Variants in HMGA2 observed in about 807,000 individuals in gnomAD.
HMGA2 encodes high mobility group AT-hook 2, also known as high mobility group protein HMGI-C.
HMGA2 carries 8 observed loss-of-function variants against 19.1 expected under a neutral mutation model. The observed-to-expected ratio is 0.42, with a 90% CI of 0.25 to 0.76. The LOEUF (loss-of-function observed/expected upper bound fraction) is 0.76. Ranked by LOEUF, HMGA2 falls within the 30% of genes least tolerant of loss-of-function variation. The probability of loss-of-function intolerance (pLI) is 0.28; values close to 1 mark genes in which losing one functional copy is unlikely to be tolerated. For synonymous variants in HMGA2, 60 were observed against 48.8 expected (o/e 1.23, Z -0.96); for missense variants, 109 against 136.3 (o/e 0.80, Z 1.00).
intron 3 of HMGA2, among the ~76,000 whole-genome samples, chr12:65,938,086 C>T (rs768165903): frequency 2.6e-5 from 4 of 152,130 alleles, no homozygotes; most frequent in South Asian, 4.1e-4. Flanking sequence ...CAGGGACTGT[C>T]GGAAGAGACT....
At chr12:65,836,162 A>C (rs1172347642) in intron 2 of HMGA2, among the ~76,000 whole-genome samples, 1 of 152,086 alleles carries the variant, frequency 6.6e-6, no homozygotes, top group African/African-American at 2.4e-5. Context: ...GATCGAGACC[A>C]TCCTGGCTAA....
At chr12:65,911,505 G>C (rs146209067) in intron 3 of HMGA2, among the ~76,000 whole-genome samples, 1 of 152,106 alleles carries the variant, frequency 6.6e-6, no homozygotes, top group African/African-American at 2.4e-5. Flanking sequence ...TGCTTGGCAG[G>C]ACTCCAGGGA....
At chr12:65,912,507 C>T (rs1180162900) in intron 3 of HMGA2, among the ~76,000 whole-genome samples, 1 of 152,154 alleles carries the variant, frequency 6.6e-6, no homozygotes, top group Non-Finnish European at 1.5e-5. Flanking sequence ...AAATCATTTC[C>T]TCCAATCTGT....
At chr12:65,838,414 G>A (rs1028854662) in intron 2 of HMGA2, 105 bp from the exon 3 acceptor site, 4 of 780,342 alleles carry the variant, frequency 5.1e-6, no homozygotes, top group African/African-American at 1.8e-5. Flanking sequence ...AAACCGATAC[G>A]TCATCTGCAA....
chr12:65,836,893 G>A (rs946027891), intron 2 of HMGA2, among the ~76,000 whole-genome samples: 1 of 152,150 alleles, frequency 6.6e-6, no homozygotes, highest in Non-Finnish European at 1.5e-5. Context: ...GTTTCCTAAA[G>A]TATTTTTTTA....
intron 4 of HMGA2, among the ~76,000 whole-genome samples, chr12:65,959,315 C>T (rs1592468892): frequency 6.6e-6 from 1 of 152,180 alleles, no homozygotes; most frequent in East Asian, 1.9e-4. Context: ...AGTTTTTTTC[C>T]AAACTTAGCT....
At chr12:65,842,878 C>T (rs1871062664) in intron 3 of HMGA2, 1 of 1,281,558 alleles carries the variant, frequency 7.8e-7, no homozygotes. Context: ...GAGTGGGGCT[C>T]AGGCTCAAGA....
chr12:65,872,100 G>A (rs550271353), intron 3 of HMGA2, among the ~76,000 whole-genome samples: 3 of 152,222 alleles, frequency 2.0e-5, no homozygotes, highest in East Asian at 1.9e-4. Context: ...CATCCAGTCC[G>A]GAGCCTAGTG....
rs1870132597 is a variant in HMGA2, at chr12:65,825,702, CG to C, written c.111+322del. Among the ~76,000 whole-genome samples the C allele has an allele frequency of 3.9e-5, 6 of 152,116 alleles. No individual in the cohort carries two copies. In the South Asian group the frequency reaches 1.0e-3, roughly 26 times the overall value. Reference sequence around the variant, plus strand: ...CGCGGTGTCGCCCAGTGACTGGAAGCGACCGGGATCCGACAAACCCGGGCTC... The same window carrying C: ...CGCGGTGTCGCCCAGTGACTGGAAGCACCGGGATCCGACAAACCCGGGCTC... On this transcript the variant is annotated intron_variant, in intron 1 of 4. Coordinates refer to ENST00000403681, the MANE Select transcript of HMGA2 (RefSeq NM_003483.6). The surrounding 1 kb of genome is among the most constrained non-coding windows in gnomAD (Gnocchi z 4.4).
intron 3 of HMGA2, among the ~76,000 whole-genome samples, chr12:65,850,051 T>C (rs956962176): frequency 3.3e-5 from 5 of 152,120 alleles, no homozygotes; most frequent in African/African-American, 1.2e-4. Flanking sequence ...CCTTCCTCTA[T>C]TGGTGGTTGA....
intron 3 of HMGA2, chr12:65,866,979 T>A (rs1300671354): frequency 2.2e-6 from 1 of 456,396 alleles, no homozygotes; most frequent in Admixed American, 2.4e-5. Flanking sequence ...GATTGAGAGA[T>A]TGAAGGGGGA....
At chr12:65,898,861 A>G (rs886709416) in intron 3 of HMGA2, among the ~76,000 whole-genome samples, 1 of 151,914 alleles carries the variant, frequency 6.6e-6, no homozygotes, top group Non-Finnish European at 1.5e-5. Flanking sequence ...TGGATAACAC[A>G]GTGAAACTCC....
At chr12:65,859,344 G>A (rs758480198) in intron 3 of HMGA2, 3 of 152,156 alleles carry the variant, frequency 2.0e-5, no homozygotes, top group Admixed American at 6.6e-5. Flanking sequence ...CCCTGCTCTT[G>A]TTACATGTGT....
intron 3 of HMGA2, among the ~76,000 whole-genome samples, chr12:65,950,586 T>C (rs971572309): frequency 6.6e-6 from 1 of 152,166 alleles, no homozygotes; most frequent in Admixed American, 6.5e-5. Flanking sequence ...GAGTAACCAC[T>C]AATGGGTACA....
At chr12:65,895,329 G>A (rs1874079783) in intron 3 of HMGA2, among the ~76,000 whole-genome samples, 1 of 151,958 alleles carries the variant, frequency 6.6e-6, no homozygotes. Context: ...AAATTGTTTG[G>A]GCCTTAAGAA....
At chr12:65,906,436 A>T (rs140992842) in intron 3 of HMGA2, among the ~76,000 whole-genome samples, 10 of 152,176 alleles carry the variant, frequency 6.6e-5, no homozygotes, top group African/African-American at 2.4e-4. Flanking sequence ...TAGCCCAGCA[A>T]CATTCATTAA....
At chr12:65,905,407 C>T (rs954768821) in intron 3 of HMGA2, among the ~76,000 whole-genome samples, 1 of 151,874 alleles carries the variant, frequency 6.6e-6, no homozygotes, top group African/African-American at 2.4e-5. Context: ...TATTTTGAAA[C>T]CAAGCTCTCT....
At chr12:65,839,615 T>A (rs532988022) in intron 3 of HMGA2, among the ~76,000 whole-genome samples, 1 of 152,318 alleles carries the variant, frequency 6.6e-6, no homozygotes, top group African/African-American at 2.4e-5. Flanking sequence ...CTGCTCAACA[T>A]GTGTTGGGAT....
intron 3 of HMGA2, among the ~76,000 whole-genome samples, chr12:65,841,172 G>A (rs963362914): frequency 2.6e-5 from 4 of 152,022 alleles, no homozygotes; most frequent in African/African-American, 9.7e-5. Context: ...TTTCTTAACG[G>A]ATTCTTGCTA....
Sources: gnomAD v4.1 joint callset for allele counts (sites outside exome capture counted in the v4.1 genomes callset) on GRCh38, gnomAD v4.1.1 for gene constraint, Gnocchi (gnomAD v3.1) non-coding constraint, MANE v1.5 for transcripts, NCBI Gene and HGNC (gene_info 2026-07-23, HGNC 2026-07-21) for gene names.